ANK3: variants seen among roughly 807,000 people sequenced by gnomAD.
The protein encoded by ANK3 is ankyrin-3.
In ANK3, 57 loss-of-function variants were observed where a neutral mutation model predicts 370.9. The ratio of observed to expected loss-of-function variants is 0.15; its 90% CI spans 0.12 to 0.19. The LOEUF (loss-of-function observed/expected upper bound fraction) is 0.19, where lower values mean the gene tolerates loss of function less well. Ranked by LOEUF, ANK3 falls within the 10% of genes least tolerant of loss-of-function variation. ANK3 has a pLI of 1.00. For missense variants in ANK3, 4,439 were observed against 5,302.1 expected (o/e 0.84, Z 5.06); for synonymous variants, 1,929 against 1,946.3 (o/e 0.99, Z 0.23).
At chr10:60,555,998 G>A (rs2077198092) in intron 2 of ANK3, among the ~76,000 whole-genome samples, 1 of 152,138 alleles carries the variant, frequency 6.6e-6, no homozygotes, top group Non-Finnish European at 1.5e-5. Context: ...AGCTCACCTG[G>A]TACTGCCCAA....
chr10:60,581,453 C>T (rs1389783905), intron 2 of ANK3, among the ~76,000 whole-genome samples: 4 of 127,676 alleles, frequency 3.1e-5, no homozygotes, highest in Non-Finnish European at 6.3e-5. Context: ...AAGACAGAGT[C>T]TCGCTTTGTC....
chr10:60,701,356 T>G (rs1047227622), intron 1 of ANK3, among the ~76,000 whole-genome samples: 3 of 152,170 alleles, frequency 2.0e-5, no homozygotes, highest in Admixed American at 2.0e-4. Context: ...AATACTCATT[T>G]GCCCTTTGGC....
intron 2 of ANK3, among the ~76,000 whole-genome samples, chr10:60,586,720 T>C (rs899193803): frequency 2.0e-5 from 3 of 152,212 alleles, no homozygotes; most frequent in East Asian, 1.9e-4. Context: ...TTTAGTACCA[T>C]GTTGCTTTGT....
chr10:60,274,364 G>C (rs1344568448), intron 4 of ANK3, among the ~76,000 whole-genome samples: 2 of 152,094 alleles, frequency 1.3e-5, no homozygotes, highest in Non-Finnish European at 2.9e-5. Context: ...CATTTGTAGT[G>C]CATGGGTGTT....
At chr10:60,511,872 T>G (rs933219414) in intron 2 of ANK3, among the ~76,000 whole-genome samples, 1 of 151,880 alleles carries the variant, frequency 6.6e-6, no homozygotes, top group Non-Finnish European at 1.5e-5. Context: ...GAGATTCAAA[T>G]GCCTCTGGTA....
intron 2 of ANK3, among the ~76,000 whole-genome samples, chr10:60,438,183 A>G (rs1316638031): frequency 6.6e-6 from 1 of 152,034 alleles, no homozygotes; most frequent in East Asian, 1.9e-4. Context: ...ATAACTTTCA[A>G]TACACCAGGT....
At chr10:60,722,328 C>T (rs2079875756) in intron 1 of ANK3, among the ~76,000 whole-genome samples, 1 of 152,002 alleles carries the variant, frequency 6.6e-6, no homozygotes. Flanking sequence ...CCTGTAGTGC[C>T]ACCAGCTCAG....
At chr10:60,317,864 C>G (rs186222896) in intron 1 of ANK3, among the ~76,000 whole-genome samples, 1 of 152,048 alleles carries the variant, frequency 6.6e-6, no homozygotes, top group Admixed American at 6.6e-5. Flanking sequence ...CAGGCACCTG[C>G]CACCATGCCC....
upstream of ANK3, among the ~76,000 whole-genome samples, chr10:60,390,892 G>C (rs1278410138): frequency 6.6e-6 from 1 of 152,124 alleles, no homozygotes; most frequent in Non-Finnish European, 1.5e-5. Context: ...ATTTGACTTT[G>C]TAGGGCTGAA....
At chr10:60,585,048 A>C (rs1201767952) in intron 2 of ANK3, among the ~76,000 whole-genome samples, 1 of 152,136 alleles carries the variant, frequency 6.6e-6, no homozygotes, top group Non-Finnish European at 1.5e-5. Flanking sequence ...TTAGTTCTAA[A>C]ATTTTCTGAT....
At chr10:60,712,534 T>C (rs1194419693) in intron 1 of ANK3, among the ~76,000 whole-genome samples, 1 of 152,182 alleles carries the variant, frequency 6.6e-6, no homozygotes, top group East Asian at 1.9e-4. Context: ...TCATATAAAG[T>C]GCTCAATACC....
chr10:60,096,721 A>G lies in ANK3; in HGVS notation c.3329-8363T>C, dbSNP rs543767682. Among the ~76,000 whole-genome samples the G allele has an allele frequency of 4.7e-4, 71 of 151,546 alleles. No individual in the cohort carries two copies. In the South Asian group the frequency reaches 0.014, roughly 31 times the overall value. ...GTTAAAAACATGACAACAGGACCCT[A>G]TAAAAAATAAGAATGGTTTAATATG... On this transcript the variant is annotated intron_variant, in intron 28 of 43. Coordinates refer to ENST00000280772, the MANE Select transcript of ANK3 (RefSeq NM_020987.5).
chr10:60,516,883 T>C (rs761529915), intron 2 of ANK3, among the ~76,000 whole-genome samples: 13 of 152,214 alleles, frequency 8.5e-5, no homozygotes, highest in Middle Eastern at 6.8e-3. Context: ...AGGGAGACAA[T>C]GCTCTTCTTA....
intron 23 of ANK3, among the ~76,000 whole-genome samples, chr10:60,153,745 C>T (rs1006506318): frequency 6.6e-6 from 1 of 152,150 alleles, no homozygotes; most frequent in Non-Finnish European, 1.5e-5. Context: ...AGATCTTCTT[C>T]TTTAGCTGGT....
Position 60,433,136 on chromosome 10 carries a change from G to T in ANK3, c.97-153497C>A, listed in dbSNP as rs150700259. ...AAAAGAAACATTAAAACAACAAAAAGACATACAAAGAACAACACTGAAAAA... is the reference window on the plus strand; with the variant it reads ...AAAAGAAACATTAAAACAACAAAAATACATACAAAGAACAACACTGAAAAA... On this transcript the variant is annotated intron_variant, in intron 2 of 43. Coordinates refer to the ANK3 transcript ENST00000373827. 3.5e-5 allele frequency among the ~76,000 whole-genome samples: 5 copies of T among 144,916 alleles called. No individual in the cohort carries two copies. The East Asian group carries it at 1.0e-3, about 30-fold the overall frequency.
At chr10:60,268,908 T>C (rs1318770663) in intron 5 of ANK3, among the ~76,000 whole-genome samples, 1 of 152,214 alleles carries the variant, frequency 6.6e-6, no homozygotes, top group African/African-American at 2.4e-5. Flanking sequence ...GAAATTTTCA[T>C]ATATTTATGT....
At chr10:60,302,131 C>A (rs947013643) in intron 1 of ANK3, among the ~76,000 whole-genome samples, 2 of 152,028 alleles carry the variant, frequency 1.3e-5, no homozygotes, top group African/African-American at 4.8e-5. Flanking sequence ...TATACACCAG[C>A]AAATGTGGGA....
intron 1 of ANK3, among the ~76,000 whole-genome samples, chr10:60,333,270 G>C (rs866076673): frequency 1.3e-5 from 2 of 152,044 alleles, no homozygotes; most frequent in East Asian, 1.9e-4. Context: ...ATCTACATTA[G>C]GTATTTCTCC....
At chr10:60,182,122 T>A (rs2132347761) in intron 17 of ANK3, among the ~76,000 whole-genome samples, 1 of 152,268 alleles carries the variant, frequency 6.6e-6, no homozygotes, top group East Asian at 1.9e-4. Flanking sequence ...TTTAACATAT[T>A]GCCAATGCCA....
Sources: allele counts gnomAD v4.1 joint callset (sites outside exome capture counted in the v4.1 genomes callset), GRCh38; gene constraint gnomAD v4.1.1; transcripts MANE v1.5; gene names NCBI Gene and HGNC (gene_info 2026-07-23, HGNC 2026-07-21).